The following NUP214 variants were observed in gnomAD, a reference collection of about 807,000 sequenced individuals.
NUP214 encodes nuclear pore complex protein Nup214.
NUP214 carries 79 observed loss-of-function variants against 196.2 expected under a neutral mutation model. The ratio of observed to expected loss-of-function variants is 0.40; its 90% CI spans 0.34 to 0.49. NUP214 has a LOEUF of 0.49. NUP214 is among the 20% of genes least tolerant of loss of function. NUP214 has a pLI of 0.58. For synonymous variants in NUP214, 1,020 were observed against 990.5 expected, an observed-to-expected ratio of 1.03 and a Z score of -0.56; for missense variants, 2,468 against 2,539.0, an observed-to-expected ratio of 0.97 and a Z score of 0.60.
At chr9:131,170,505 C>T (rs931573822) in intron 21 of NUP214, among the ~76,000 whole-genome samples, 1 of 152,044 alleles carries the variant, frequency 6.6e-6, no homozygotes, top group Non-Finnish European at 1.5e-5. Context: ...ATGTTTTCTG[C>T]GTGGGAGACA....
chr9:131,142,967 T>C (rs1831967370), intron 11 of NUP214, among the ~76,000 whole-genome samples: 1 of 152,192 alleles, frequency 6.6e-6, no homozygotes, highest in South Asian at 2.1e-4. Flanking sequence ...AATTTAAAGA[T>C]TAATATTTTT....
intron 14 of NUP214, among the ~76,000 whole-genome samples, chr9:131,148,478 A>G (rs10901354): frequency 0.33 from 49,869 of 151,940 alleles, 8,283 homozygotes; most frequent in South Asian, 0.45. Context: ...GTGTATCCCT[A>G]TGAGTGAGAT....
chr9:131,204,239 A>G (rs1237629398), intron 30 of NUP214, among the ~76,000 whole-genome samples: 6 of 152,240 alleles, frequency 3.9e-5, no homozygotes. Flanking sequence ...ATCAAAGACA[A>G]ACTTGAAAAT....
intron 21 of NUP214, among the ~76,000 whole-genome samples, chr9:131,171,964 T>C (rs969468430): frequency 6.6e-6 from 1 of 152,190 alleles, no homozygotes; most frequent in African/African-American, 2.4e-5. Context: ...TGTTGGACAT[T>C]TGGGTTGGTT....
At chr9:131,193,439 G>A (rs1342406858) in intron 27 of NUP214, among the ~76,000 whole-genome samples, 1 of 151,676 alleles carries the variant, frequency 6.6e-6, no homozygotes, top group Non-Finnish European at 1.5e-5. Flanking sequence ...GGAGAAAAGA[G>A]GGTATTAGAA....
chr9:131,211,630 A>G (rs1249053865), intron 30 of NUP214, among the ~76,000 whole-genome samples: 1 of 152,190 alleles, frequency 6.6e-6, no homozygotes, highest in Non-Finnish European at 1.5e-5. Context: ...TAGTTCCCCA[A>G]ATTAATACTT....
intron 21 of NUP214, among the ~76,000 whole-genome samples, chr9:131,167,744 A>C (rs910101467): frequency 6.6e-6 from 1 of 152,090 alleles, no homozygotes; most frequent in Non-Finnish European, 1.5e-5. Context: ...TTGCTCATTC[A>C]TTTATTATTG....
At chr9:131,212,094 G>T (rs1300070801) in intron 30 of NUP214, among the ~76,000 whole-genome samples, 1 of 152,220 alleles carries the variant, frequency 6.6e-6, no homozygotes, top group East Asian at 1.9e-4. Flanking sequence ...CACTCTAGGA[G>T]TGTCTGTCTT....
intron 30 of NUP214, among the ~76,000 whole-genome samples, chr9:131,213,545 T>C (rs1834305855): frequency 1.3e-5 from 2 of 152,196 alleles, no homozygotes; most frequent in South Asian, 2.1e-4. Context: ...AAAATGCTCA[T>C]ATACTGGCAA....
chr9:131,150,827 A>T (rs1222355298), intron 16 of NUP214, 62 bp downstream of exon 16: 43 of 1,489,060 alleles, frequency 2.9e-5, no homozygotes, highest in Middle Eastern at 1.9e-4. Context: ...TTCTCCTAGT[A>T]CTCCATGGGG....
rs775335778 is a variant in NUP214 at position 131,195,300 on chromosome 9, G to T, written c.3721+6G>T. 1.2e-6 allele frequency: 2 copies of T among 1,611,152 alleles called. No homozygotes were observed. Among genetic ancestry groups the T allele is most frequent in the South Asian group, 2.2e-5 (2 of 91,016 alleles). On this transcript the variant is annotated splice_donor_region_variant and intron_variant, in intron 28 of 35. Transcript: ENST00000359428. ...TAATTTCACTGCTGCACAAGGTACAGACTCTGTGTTGAGTAGCATTACTCA... is the reference window on the plus strand; with the variant it reads ...TAATTTCACTGCTGCACAAGGTACATACTCTGTGTTGAGTAGCATTACTCA...
intron 6 of NUP214, 51 bp downstream of exon 6, chr9:131,132,710 A>G: frequency 6.8e-7 from 1 of 1,475,870 alleles, no homozygotes; most frequent in Non-Finnish European, 9.5e-7. Flanking sequence ...TGTTATGTAT[A>G]TTACAGAAAT....
chr9:131,146,157 G>C lies in NUP214; in HGVS notation c.1798G>C (p.Val600Leu). Residue 600 changes from valine (V) to leucine (L), a missense_variant, in exon 13 of 36, where the codon GTT becomes CTT. This residue lies in a region of NUP214 where 1,801 missense variants were observed against 1,779.4 expected (regional missense o/e 1.01). Transcript: ENST00000359428. The surrounding 1 kb of genome is among the most constrained non-coding windows in gnomAD (Gnocchi z 4.6). The part of the protein sequence containing the change: ...KFTAAATSTP[V>L]SSSQSAPPMS... ...TACTGCTGCAGCTACCTCTACTCCT[G>C]TTAGTAGCTCCCAGAGCGCACCCCC... is the stretch of plus-strand genomic sequence containing the variant. 1 of 1,614,118 alleles carries C rather than the reference G, an allele frequency of 6.2e-7. No homozygotes were observed. The highest frequency in any genetic ancestry group is 1.1e-5 in the South Asian group (1 of 91,072).
chr9:131,198,043 C>A lies in NUP214; in HGVS notation c.4549C>A (p.Leu1517Ile), dbSNP rs757029725. 1 of 1,614,258 alleles carries A rather than the reference C, an allele frequency of 6.2e-7. No homozygotes were observed. Among genetic ancestry groups the A allele is most frequent in the Admixed American group, 1.7e-5 (1 of 60,030 alleles). Residue 1517 changes from leucine to isoleucine, a missense_variant, in exon 29 of 36, where the codon CTT becomes ATT. Physicochemically the swap from Leu to Ile is conservative, Grantham distance 5 (BLOSUM62 2). Transcript: ENST00000359428. ...TGAGGTCTCAGCATCAGCAGCCTCACTTCTAGAGGAGCAACAGTCAGCCCA... is the reference window on the plus strand; with the variant it reads ...TGAGGTCTCAGCATCAGCAGCCTCAATTCTAGAGGAGCAACAGTCAGCCCA... ...DSEVSASAAS[L>I]LEEQQSAQLP...
At chr9:131,186,952 C>T (rs1478574576) in intron 24 of NUP214, among the ~76,000 whole-genome samples, 2 of 152,058 alleles carry the variant, frequency 1.3e-5, no homozygotes, top group East Asian at 1.9e-4. Context: ...AGGAATTTCT[C>T]GTGGTCTACA....
At chr9:131,184,092 G>T (rs1311835696) in intron 24 of NUP214, among the ~76,000 whole-genome samples, 1 of 132,244 alleles carries the variant, frequency 7.6e-6, no homozygotes, top group African/African-American at 2.9e-5. Flanking sequence ...GTGCAGTGGC[G>T]CAATCTCAGC....
At chr9:131,178,993 T>TTG (rs1564197058) in intron 24 of NUP214, among the ~76,000 whole-genome samples, 3 of 148,858 alleles carry the variant, frequency 2.0e-5, no homozygotes, top group Admixed American at 6.6e-5. Context: ...TGTTGTTGTT[T>TTG]TTTGTTTTTT....
At chr9:131,182,602 A>G (rs1004110012) in intron 24 of NUP214, among the ~76,000 whole-genome samples, 3 of 152,204 alleles carry the variant, frequency 2.0e-5, no homozygotes, top group African/African-American at 7.2e-5. Context: ...CCTGGTGCCA[A>G]AAAGGTTGGG....
intron 10 of NUP214, 69 bp downstream of exon 10, chr9:131,139,476 G>A (rs1831844478): frequency 6.4e-7 from 1 of 1,569,406 alleles, no homozygotes; most frequent in Admixed American, 2.0e-5. Context: ...TGAAACACCA[G>A]TTACATGTTA....
Sources: allele counts gnomAD v4.1 joint callset (sites outside exome capture counted in the v4.1 genomes callset), GRCh38; gene constraint gnomAD v4.1.1; regional missense constraint gnomAD v4.1.1; non-coding constraint Gnocchi (gnomAD v3.1); transcripts MANE v1.5; gene names NCBI Gene and HGNC (gene_info 2026-07-23, HGNC 2026-07-21).